Variants in WSCD2 observed in about 807,000 individuals in gnomAD.
WSCD2 encodes the protein WSC domain sialate O sulfotransferase 2.
A neutral mutation model predicts 55.7 loss-of-function variants in WSCD2; 28 were observed. The ratio of observed to expected loss-of-function variants is 0.50; its 90% CI spans 0.37 to 0.69. The LOEUF (loss-of-function observed/expected upper bound fraction) is 0.69. Among genes scored for constraint, WSCD2 ranks in the 30% least tolerant of loss-of-function variants. WSCD2 has a pLI of 0.00. For synonymous variants in WSCD2, 301 were observed against 301.9 expected, an observed-to-expected ratio of 1.00 and a Z score of 0.03; for missense variants, 616 against 762.1, an observed-to-expected ratio of 0.81 and a Z score of 2.26.
chr12:108,158,805 A>C (rs75684226), intron 1 of WSCD2, among the ~76,000 whole-genome samples: 3 of 152,096 alleles, frequency 2.0e-5, no homozygotes, highest in Admixed American at 2.0e-4. Flanking sequence ...TCAAGCCACA[A>C]GTATTACCTG....
chr12:108,178,301 G>A lies in WSCD2; in HGVS notation c.-551-16981G>A, dbSNP rs368670903. Among the ~76,000 whole-genome samples the A allele has an allele frequency of 3.3e-5, 5 of 152,218 alleles. No individual in the cohort carries two copies. In the South Asian group the frequency reaches 6.2e-4, roughly 19 times the overall value. ...TGTAAGGACACTTATGAAAGGGCAT[G>A]GTGGTGACCAGCATCTATGGTGACC... On this transcript the variant is annotated intron_variant, in intron 1 of 8. Coordinates refer to ENST00000547525, the MANE Select transcript of WSCD2 (RefSeq NM_014653.4).
chr12:108,234,797 A>C (rs1200065223), intron 7 of WSCD2, among the ~76,000 whole-genome samples: 1 of 152,224 alleles, frequency 6.6e-6, no homozygotes, highest in Non-Finnish European at 1.5e-5. Flanking sequence ...GAATGTCACA[A>C]ACAGAAGGGT....
intron 1 of WSCD2, among the ~76,000 whole-genome samples, chr12:108,186,751 G>A (rs966162373): frequency 6.6e-6 from 1 of 152,172 alleles, no homozygotes; most frequent in Non-Finnish European, 1.5e-5. Flanking sequence ...GGATCGTATG[G>A]TAAGAGTATG....
At chr12:108,162,863 TC>T (rs1486529037) in intron 1 of WSCD2, among the ~76,000 whole-genome samples, 1 of 152,180 alleles carries the variant, frequency 6.6e-6, no homozygotes, top group Admixed American at 6.5e-5. Flanking sequence ...TCCATCAATA[TC>T]ATTCATTCAT....
At chr12:108,223,168 C>A (rs1316274953) in intron 4 of WSCD2, among the ~76,000 whole-genome samples, 2 of 152,204 alleles carry the variant, frequency 1.3e-5, no homozygotes, top group Non-Finnish European at 2.9e-5. Flanking sequence ...CGGTAGATGT[C>A]AATCACATAC....
intron 1 of WSCD2, among the ~76,000 whole-genome samples, chr12:108,188,686 G>T (rs762544859): frequency 9.2e-5 from 14 of 152,012 alleles, no homozygotes; most frequent in Non-Finnish European, 1.8e-4. Context: ...AGGAATTGGG[G>T]GTTATCTACC....
chr12:108,151,100 C>A (rs1262955752), intron 1 of WSCD2, among the ~76,000 whole-genome samples: 1 of 152,068 alleles, frequency 6.6e-6, no homozygotes, highest in Non-Finnish European at 1.5e-5. Flanking sequence ...TGCCATCTCC[C>A]AGGGAGCTCA....
At chr12:108,155,090 A>G (rs1480345658) in intron 1 of WSCD2, among the ~76,000 whole-genome samples, 1 of 152,216 alleles carries the variant, frequency 6.6e-6, no homozygotes, top group Non-Finnish European at 1.5e-5. Flanking sequence ...ACCTCAGCCA[A>G]GTCACATTCT....
chr12:108,248,457 C>G lies in WSCD2; in HGVS notation c.*114C>G. On this transcript the variant is annotated 3_prime_UTR_variant, in exon 9 of 9. Transcript: ENST00000547525. This position sits in a 1 kb window ranked among gnomAD's most constrained non-coding sequence, Gnocchi z 4.3. ...CCTCTCTTTGGTCTGGGGACAATCC[C>G]CTTGGCTGCTCTTTGCCTTCAATGA... The G allele has an allele frequency of 6.9e-7, 1 of 1,449,818 alleles. No homozygotes were observed. Among genetic ancestry groups the G allele is most frequent in the Non-Finnish European group, 9.1e-7 (1 of 1,103,086 alleles). 89.8% of individuals were successfully genotyped at this position (1,449,818 alleles called of 1,614,324 possible). A position where few individuals can be genotyped will look rare whatever the true frequency, so the allele number is the denominator to read the frequency against.
At chr12:108,205,315 G>A (rs1885212376) in intron 2 of WSCD2, among the ~76,000 whole-genome samples, 1 of 152,070 alleles carries the variant, frequency 6.6e-6, no homozygotes. Flanking sequence ...GTATACAACG[G>A]TAATAATATT....
intron 1 of WSCD2, among the ~76,000 whole-genome samples, chr12:108,183,745 G>A (rs1882105471): frequency 1.3e-5 from 2 of 152,114 alleles, no homozygotes; most frequent in Non-Finnish European, 2.9e-5. Context: ...GTCAGAGGGT[G>A]GCACTTCCAC....
intron 1 of WSCD2, among the ~76,000 whole-genome samples, chr12:108,141,757 C>T (rs1427776749): frequency 3.9e-5 from 6 of 152,074 alleles, no homozygotes; most frequent in Non-Finnish European, 7.4e-5. Flanking sequence ...CTTTTGGGGT[C>T]GGGGAGCTGG....
rs78614434 is a variant in WSCD2, at chr12:108,218,971, A to C, written c.683-5768A>C. ...CATTTCCCCTTGCACTGGGGAAATA[A>C]GTATTTTTATCTGAACCTAGGTGCC... On this transcript the variant is annotated intron_variant, in intron 4 of 8. Coordinates refer to ENST00000547525, the MANE Select transcript of WSCD2 (RefSeq NM_014653.4). Among the ~76,000 whole-genome samples the C allele has an allele frequency of 1.2e-4, 18 of 152,314 alleles. No individual in the cohort carries two copies. In the East Asian group the frequency reaches 3.3e-3, roughly 28 times the overall value.
intron 4 of WSCD2, among the ~76,000 whole-genome samples, chr12:108,224,426 G>A (rs1887858468): frequency 6.6e-6 from 1 of 152,232 alleles, no homozygotes; most frequent in African/African-American, 2.4e-5. Flanking sequence ...TTGGGAATGA[G>A]GAAGTGAGGC....
Position 108,192,310 on chromosome 12 carries a change from G to A in WSCD2, c.-551-2972G>A, listed in dbSNP as rs530774953. On this transcript the variant is annotated intron_variant, in intron 1 of 8. Coordinates refer to ENST00000547525, the MANE Select transcript of WSCD2 (RefSeq NM_014653.4). Reference sequence around the variant, plus strand: ...AGGCCACTTTACAGGTGAGGAACCTGAGTCTTGCTGAGAAGGGATGTCTTG... The same window carrying A: ...AGGCCACTTTACAGGTGAGGAACCTAAGTCTTGCTGAGAAGGGATGTCTTG... Among the ~76,000 whole-genome samples, 9 of 152,318 alleles carry A rather than the reference G, an allele frequency of 5.9e-5. No homozygotes were observed. The South Asian group carries it at 1.9e-3, about 32-fold the overall frequency.
In WSCD2 at chr12:108,224,728, T is replaced by C; in HGVS notation, c.683-11T>C. The C allele has an allele frequency of 6.2e-7, 1 of 1,610,948 alleles. No individual in the cohort carries two copies. Among genetic ancestry groups the C allele is most frequent in the Non-Finnish European group, 8.5e-7 (1 of 1,179,732 alleles). Reference sequence around the variant, plus strand: ...TATATCTGACTAGTCCTCTTCTCTCTGGCTCTTCAGATGGAAGTGCAGTGT... The same window carrying C: ...TATATCTGACTAGTCCTCTTCTCTCCGGCTCTTCAGATGGAAGTGCAGTGT... On this transcript the variant is annotated splice_polypyrimidine_tract_variant and intron_variant, in intron 4 of 8. Coordinates refer to ENST00000547525, the MANE Select transcript of WSCD2 (RefSeq NM_014653.4).
chr12:108,170,490 A>T (rs1423903237), intron 1 of WSCD2, among the ~76,000 whole-genome samples: 1 of 152,032 alleles, frequency 6.6e-6, no homozygotes, highest in Non-Finnish European at 1.5e-5. Flanking sequence ...ATCGCCCAGT[A>T]CTCTTCTAAG....
chr12:108,130,494 G>GTGTGTGTGTGTGTGTGTT (rs1875388741), intron 1 of WSCD2, among the ~76,000 whole-genome samples: 7 of 149,734 alleles, frequency 4.7e-5, no homozygotes, highest in Admixed American at 1.3e-4. Context: ...GTGTGTGTGT[G>GTGTGTGTGTGTGTGTGTT]TGTGTGTGTG....
chr12:108,195,603 G>A lies in WSCD2; in HGVS notation c.-230G>A. On this transcript the variant is annotated 5_prime_UTR_variant, in exon 2 of 9. Transcript: ENST00000547525. ...AAAACCCCCTTGTTGGCCCAAAGAA[G>A]CTCACCTTCAGTTTGGGAGGGCTGG... is the stretch of plus-strand genomic sequence containing the variant. The A allele has an allele frequency of 1.7e-6, 1 of 580,690 alleles. No homozygotes were observed. The allele number at this position is 580,690 out of a possible 1,614,324, so 36.0% of individuals were successfully genotyped here. A position where few individuals can be genotyped will look rare whatever the true frequency, so the allele number is the denominator to read the frequency against.
Sources: allele counts gnomAD v4.1 joint callset (sites outside exome capture counted in the v4.1 genomes callset), GRCh38; gene constraint gnomAD v4.1.1; non-coding constraint Gnocchi (gnomAD v3.1); transcripts MANE v1.5; gene names NCBI Gene and HGNC (gene_info 2026-07-23, HGNC 2026-07-21).